The following L3MBTL4 variants were observed in gnomAD, a reference collection of about 807,000 sequenced individuals.
The protein encoded by L3MBTL4 is L3MBTL histone methyl-lysine binding protein 4, also known as lethal(3)malignant brain tumor-like protein 4.
A neutral mutation model predicts 84.5 loss-of-function variants in L3MBTL4; 70 were observed. The ratio of observed to expected loss-of-function variants is 0.83; its 90% CI spans 0.68 to 1.01. The LOEUF is 1.01. Among genes scored for constraint, L3MBTL4 ranks in the 50% least tolerant of loss-of-function variants. The pLI, the probability that L3MBTL4 is intolerant of heterozygous loss-of-function variation, is 0.00. For missense variants in L3MBTL4, 715 were observed against 754.8 expected, an observed-to-expected ratio of 0.95 and a Z score of 0.62; for synonymous variants, 274 against 259.8, an observed-to-expected ratio of 1.05 and a Z score of -0.52.
intron 16 of L3MBTL4, among the ~76,000 whole-genome samples, chr18:6,071,766 AAAG>A (rs2057641143): frequency 3.3e-5 from 3 of 90,838 alleles, no homozygotes; most frequent in Non-Finnish European, 4.8e-5. Context: ...AGAAAAAAAG[AAAG>A]AAAGAAAGAA....
In L3MBTL4 at chr18:6,244,464, A is replaced by G; in HGVS notation, c.324+20T>C. Reference sequence around the variant, plus strand: ...TCTGTCACTAGGCAATTAGCCCAAGACAGTAACACCACCTCTTACCTCCGC... The same window carrying G: ...TCTGTCACTAGGCAATTAGCCCAAGGCAGTAACACCACCTCTTACCTCCGC... On this transcript the variant is annotated intron_variant, in intron 6 of 18. Transcript: ENST00000317931. The G allele has an allele frequency of 1.3e-6, 2 of 1,495,388 alleles. No homozygotes were observed. The highest frequency in any genetic ancestry group is 1.9e-6 in the Non-Finnish European group (2 of 1,073,776). 92.6% of individuals were successfully genotyped at this position (1,495,388 alleles called of 1,614,324 possible).
intron 16 of L3MBTL4, among the ~76,000 whole-genome samples, chr18:6,007,513 T>C (rs1431030829): frequency 6.6e-6 from 1 of 152,210 alleles, no homozygotes; most frequent in Non-Finnish European, 1.5e-5. Context: ...CAGGAAAGAA[T>C]GTAAATCAAT....
chr18:5,968,965 A>G (rs565416993), intron 17 of L3MBTL4, among the ~76,000 whole-genome samples: 20 of 152,248 alleles, frequency 1.3e-4, no homozygotes, highest in African/African-American at 4.8e-4. Flanking sequence ...CAACTGGCAA[A>G]TGGATCCTTG....
chr18:6,191,646 G>A (rs1422076605), intron 12 of L3MBTL4, among the ~76,000 whole-genome samples: 2 of 152,186 alleles, frequency 1.3e-5, no homozygotes, highest in Non-Finnish European at 2.9e-5. Context: ...AATAAATACA[G>A]TTAGGGAAGA....
intron 16 of L3MBTL4, among the ~76,000 whole-genome samples, chr18:5,977,347 ATC>A (rs1360077627): frequency 6.6e-6 from 1 of 152,042 alleles, no homozygotes; most frequent in South Asian, 2.1e-4. Context: ...ACCTCTGCAC[ATC>A]TCTGTCTCCT....
At chr18:6,220,484 G>A (rs749056167) in intron 10 of L3MBTL4, among the ~76,000 whole-genome samples, 6 of 152,064 alleles carry the variant, frequency 3.9e-5, no homozygotes, top group Non-Finnish European at 8.8e-5. Flanking sequence ...TCACCTTCTC[G>A]CTCAGTCCCA....
intron 1 of L3MBTL4, among the ~76,000 whole-genome samples, chr18:6,371,758 A>G (rs72864876): frequency 0.012 from 1,883 of 152,316 alleles, 22 homozygotes; most frequent in Middle Eastern, 0.082. Flanking sequence ...ACCTATAATA[A>G]AGCAGAAAAC....
chr18:6,308,292 A>T (rs1746035408), intron 3 of L3MBTL4, among the ~76,000 whole-genome samples: 1 of 152,198 alleles, frequency 6.6e-6, no homozygotes, highest in Non-Finnish European at 1.5e-5. Flanking sequence ...TAAAACATAT[A>T]ACAAATCCCA....
intron 4 of L3MBTL4, among the ~76,000 whole-genome samples, chr18:6,287,503 A>G (rs1448338221): frequency 1.3e-5 from 2 of 152,186 alleles, no homozygotes; most frequent in African/African-American, 4.8e-5. Context: ...CTGGCATACT[A>G]TACAAGCAAG....
intron 1 of L3MBTL4, among the ~76,000 whole-genome samples, chr18:6,333,196 G>C (rs1342936271): frequency 6.6e-6 from 1 of 152,060 alleles, no homozygotes; most frequent in Non-Finnish European, 1.5e-5. Context: ...ACTTTCAAGG[G>C]TAGGAATCAA....
intron 13 of L3MBTL4, among the ~76,000 whole-genome samples, chr18:6,153,051 G>A (rs1472579693): frequency 6.6e-6 from 1 of 152,064 alleles, no homozygotes; most frequent in Non-Finnish European, 1.5e-5. Flanking sequence ...ATATACATGG[G>A]TTTATTTCTG....
At chr18:6,095,904 T>A (rs1004624081) in intron 14 of L3MBTL4, among the ~76,000 whole-genome samples, 3 of 152,120 alleles carry the variant, frequency 2.0e-5, no homozygotes, top group Non-Finnish European at 4.4e-5. Flanking sequence ...GAAAGAACTT[T>A]CTGTAGGCAA....
At chr18:6,212,674 T>C (rs1326150170) in intron 12 of L3MBTL4, among the ~76,000 whole-genome samples, 1 of 152,194 alleles carries the variant, frequency 6.6e-6, no homozygotes, top group Non-Finnish European at 1.5e-5. Flanking sequence ...ATAACAATGA[T>C]TTCAAGCGAA....
At chr18:6,277,329 A>G (rs1010358558) in intron 4 of L3MBTL4, among the ~76,000 whole-genome samples, 2 of 152,198 alleles carry the variant, frequency 1.3e-5, no homozygotes, top group Non-Finnish European at 2.9e-5. Flanking sequence ...TCTTTAATCT[A>G]TTTGAAATTT....
intron 4 of L3MBTL4, among the ~76,000 whole-genome samples, chr18:6,285,108 A>C (rs1013835054): frequency 6.6e-6 from 1 of 152,230 alleles, no homozygotes; most frequent in Non-Finnish European, 1.5e-5. Context: ...ACGCCCACTC[A>C]GGGCGAGGAG....
chr18:6,138,780 G>A (rs953265615), intron 13 of L3MBTL4, among the ~76,000 whole-genome samples: 1 of 152,202 alleles, frequency 6.6e-6, no homozygotes, highest in Non-Finnish European at 1.5e-5. Flanking sequence ...TCGAACTCCT[G>A]ACCTCAGGCA....
chr18:6,280,808 T>G (rs918583437), intron 4 of L3MBTL4, among the ~76,000 whole-genome samples: 1 of 151,964 alleles, frequency 6.6e-6, no homozygotes, highest in Non-Finnish European at 1.5e-5. Context: ...ACAAGAGAGA[T>G]CCGACCTTGC....
At chr18:6,180,208 A>T (rs745415582) in intron 12 of L3MBTL4, among the ~76,000 whole-genome samples, 6 of 152,130 alleles carry the variant, frequency 3.9e-5, no homozygotes, top group Non-Finnish European at 4.4e-5. Flanking sequence ...AGACAAGGGT[A>T]ATGAAGGAGA....
intron 10 of L3MBTL4, among the ~76,000 whole-genome samples, 160 bp from the exon 11 acceptor site, chr18:6,215,995 A>T (rs537512703): frequency 6.6e-6 from 1 of 152,236 alleles, no homozygotes; most frequent in African/African-American, 2.4e-5. Flanking sequence ...TCACTTAACC[A>T]TAACCTCTGA....
Sources: allele counts gnomAD v4.1 joint callset (sites outside exome capture counted in the v4.1 genomes callset), GRCh38; gene constraint gnomAD v4.1.1; transcripts MANE v1.5; gene names NCBI Gene and HGNC (gene_info 2026-07-23, HGNC 2026-07-21).